CNTLN: variants seen among roughly 807,000 people sequenced by gnomAD.
CNTLN encodes centlein.
CNTLN carries 212 observed loss-of-function variants against 180.0 expected under a neutral mutation model. The ratio of observed to expected loss-of-function variants is 1.18; its 90% CI spans 1.05 to 1.32. The LOEUF (loss-of-function observed/expected upper bound fraction) is 1.32. CNTLN is among the 40% of genes most tolerant of loss of function. CNTLN has a pLI of 0.00. For synonymous variants in CNTLN, 722 were observed against 563.1 expected, an observed-to-expected ratio of 1.28 and a Z score of -3.99; for missense variants, 2,095 against 1,610.9, an observed-to-expected ratio of 1.30 and a Z score of -5.14.
the CNTLN span, among the ~76,000 whole-genome samples, chr9:17,520,147 A>G: frequency 4.6e-5 from 7 of 152,342 alleles, no homozygotes; most frequent in East Asian, 1.2e-3. Flanking sequence ...TGCTTCATTA[A>G]TTACTGTTTG....
At chr9:17,144,590 C>G (rs1218885911) in intron 2 of CNTLN, among the ~76,000 whole-genome samples, 1 of 151,716 alleles carries the variant, frequency 6.6e-6, no homozygotes. Flanking sequence ...ATTGTTAGGT[C>G]ATTTTCCTCA....
intron 5 of CNTLN, among the ~76,000 whole-genome samples, chr9:17,255,108 CTACATA>C (rs1273715207): frequency 6.6e-6 from 1 of 151,624 alleles, no homozygotes; most frequent in Admixed American, 6.6e-5. Context: ...TTAAGGTTTT[CTACATA>C]TACATGCCAT....
intron 5 of CNTLN, among the ~76,000 whole-genome samples, chr9:17,246,569 G>A (rs7035525): frequency 0.21 from 31,191 of 152,058 alleles, 4,085 homozygotes; most frequent in African/African-American, 0.37. Flanking sequence ...TGTTTACTCA[G>A]GGACTAAGGA....
At chr9:17,456,862 A>G (rs376298952) in intron 18 of CNTLN, among the ~76,000 whole-genome samples, 2 of 152,170 alleles carry the variant, frequency 1.3e-5, no homozygotes, top group African/African-American at 4.8e-5. Context: ...ACTCCTTCAT[A>G]AAAACATTAC....
Position 17,321,987 on chromosome 9 carries a change from A to G in CNTLN, c.1342-8645A>G, listed in dbSNP as rs138256040. Among the ~76,000 whole-genome samples the G allele has an allele frequency of 3.0e-4, 45 of 152,234 alleles. No homozygotes were observed. In the East Asian group the frequency reaches 7.7e-3, roughly 26 times the overall value. ...ATATTATGCTTATCATCGTATTTTT[A>G]TACTTAATTAGTTTCGAGTTTATAT... On this transcript the variant is annotated intron_variant, in intron 8 of 25. Coordinates refer to ENST00000380647, the MANE Select transcript of CNTLN (RefSeq NM_017738.4).
rs199785150 is a variant in CNTLN, at chr9:17,388,175, A to G, written c.2001A>G (p.Arg667=). 130 of 1,608,662 alleles carry G rather than the reference A, an allele frequency of 8.1e-5. No homozygotes were observed. The highest frequency in any genetic ancestry group is 1.1e-4 in the Non-Finnish European group (126 of 1,175,846). The change falls in exon 14 of 26, where the codon AGA becomes AGG. Residue 667 remains arginine (R), a synonymous_variant. Coordinates refer to ENST00000380647, the MANE Select transcript of CNTLN (RefSeq NM_017738.4). ...VAERREEQLF[R]SGEDDEVKRS... Reference sequence around the variant, plus strand: ...ATTCTCTACCAGAACAGCTCTTTAGATCTGGTGAAGATGATGAGGTCAAGA... The same window carrying G: ...ATTCTCTACCAGAACAGCTCTTTAGGTCTGGTGAAGATGATGAGGTCAAGA...
intron 18 of CNTLN, among the ~76,000 whole-genome samples, chr9:17,449,125 T>C (rs1042849514): frequency 5.9e-5 from 9 of 152,180 alleles, no homozygotes; most frequent in Non-Finnish European, 1.2e-4. Context: ...CATTGAGAAA[T>C]TATGTTGGTA....
chr9:17,285,339 AT>A (rs1323070939), intron 6 of CNTLN, among the ~76,000 whole-genome samples: 1 of 149,138 alleles, frequency 6.7e-6, no homozygotes, highest in East Asian at 2.0e-4. Flanking sequence ...CGAACTCATC[AT>A]TTTTTATGGC....
chr9:17,463,535 T>C (rs780618639), intron 20 of CNTLN, among the ~76,000 whole-genome samples: 13 of 151,746 alleles, frequency 8.6e-5, no homozygotes, highest in South Asian at 2.1e-4. Context: ...TGCTTAGAAA[T>C]AGTAAGATGT....
intron 5 of CNTLN, among the ~76,000 whole-genome samples, chr9:17,257,051 G>C (rs1365174782): frequency 6.6e-6 from 1 of 151,706 alleles, no homozygotes; most frequent in Non-Finnish European, 1.5e-5. Flanking sequence ...ATGTATACAT[G>C]TGCCATGCTG....
At position 17,152,077 on chromosome 9, in the gene CNTLN, G is replaced by A. The variant is rs190479470; in HGVS notation, c.449+8701G>A. Among the ~76,000 whole-genome samples, 6 of 152,256 alleles carry A rather than the reference G, an allele frequency of 3.9e-5. No homozygotes were observed. In the East Asian group the frequency reaches 1.2e-3, roughly 29 times the overall value. ...TTCTCCTTTATTAGTCTGGCTAGCAGTCTATCTGTTTTGTTGATGTTTTCA... is the reference window on the plus strand; with the variant it reads ...TTCTCCTTTATTAGTCTGGCTAGCAATCTATCTGTTTTGTTGATGTTTTCA... On this transcript the variant is annotated intron_variant, in intron 2 of 25. Transcript: ENST00000380647.
chr9:17,188,907 T>C (rs1189331792), intron 2 of CNTLN, among the ~76,000 whole-genome samples: 1 of 151,952 alleles, frequency 6.6e-6, no homozygotes, highest in Non-Finnish European at 1.5e-5. Context: ...GGATTATGTG[T>C]TTCTACTTCT....
chr9:17,342,291 G>C, intron 11 of CNTLN, 34 bp from the exon 12 acceptor site: 2 of 1,602,830 alleles, frequency 1.2e-6, no homozygotes, highest in Non-Finnish European at 1.7e-6. Context: ...CTTCAGACAT[G>C]TTAATTGAAA....
intron 18 of CNTLN, among the ~76,000 whole-genome samples, chr9:17,442,972 C>T (rs1830194283): frequency 6.6e-6 from 1 of 151,612 alleles, no homozygotes; most frequent in South Asian, 2.1e-4. Context: ...CTAGGACTAG[C>T]AGGGAACTTT....
intron 2 of CNTLN, among the ~76,000 whole-genome samples, chr9:17,205,693 T>C (rs1822869622): frequency 2.0e-5 from 3 of 152,184 alleles, no homozygotes. Flanking sequence ...GCCTTACTAC[T>C]TGGATGCCCC....
At chr9:17,356,484 T>A (rs571154983) in intron 12 of CNTLN, among the ~76,000 whole-genome samples, 1 of 152,314 alleles carries the variant, frequency 6.6e-6, no homozygotes, top group South Asian at 2.1e-4. Context: ...GCAACATGAC[T>A]TATAGATAGG....
chr9:17,168,954 G>A (rs1196933544), intron 2 of CNTLN, among the ~76,000 whole-genome samples: 2 of 152,138 alleles, frequency 1.3e-5, no homozygotes, highest in East Asian at 1.9e-4. Context: ...GTTCACTGCC[G>A]TAGTCTGGCA....
At chr9:17,296,740 C>A (rs1283462699) in intron 6 of CNTLN, among the ~76,000 whole-genome samples, 1 of 152,026 alleles carries the variant, frequency 6.6e-6, no homozygotes, top group African/African-American at 2.4e-5. Flanking sequence ...CCGTTTTTGA[C>A]TGCTATTTTC....
intron 7 of CNTLN, among the ~76,000 whole-genome samples, chr9:17,302,266 G>C (rs557153212): frequency 6.6e-6 from 1 of 150,638 alleles, no homozygotes; most frequent in Non-Finnish European, 1.5e-5. Context: ...GCACGATCTC[G>C]ACTCACTGCA....
Sources: gnomAD v4.1 joint callset for allele counts (sites outside exome capture counted in the v4.1 genomes callset) on GRCh38, gnomAD v4.1.1 for gene constraint, MANE v1.5 for transcripts, NCBI Gene and HGNC (gene_info 2026-07-23, HGNC 2026-07-21) for gene names.